LFNG: variants seen among roughly 807,000 people sequenced by gnomAD.
LFNG encodes beta-1,3-N-acetylglucosaminyltransferase lunatic fringe.
Under a neutral mutation model 32.7 loss-of-function variants are expected in LFNG, and 15 were observed. The observed-to-expected ratio is 0.46, with a 90% CI of 0.31 to 0.71. The LOEUF (loss-of-function observed/expected upper bound fraction) is 0.71, where lower values mean the gene tolerates loss of function less well. LFNG is among the 30% of genes least tolerant of loss of function. LFNG has a pLI of 0.06. For synonymous variants in LFNG, 274 were observed against 246.8 expected (o/e 1.11, Z -1.03); for missense variants, 520 against 545.7 (o/e 0.95, Z 0.47).
In LFNG at chr7:2,526,585, G is replaced by A. The variant is rs1379913322; in HGVS notation, c.987+176G>A. On this transcript the variant is annotated intron_variant, in intron 6 of 7. Transcript: ENST00000222725. This position sits in a 1 kb window ranked among gnomAD's most constrained non-coding sequence, Gnocchi z 6.9. The stretch of plus-strand genomic sequence containing the variant: ...AGCTCAAAGCTGTTTATGGCGGGTT[G>A]TTTTCCTGCCGTCTCTTCTCTTCAC... Among the ~76,000 whole-genome samples, 1 of 152,186 alleles carries A rather than the reference G, an allele frequency of 6.6e-6. No homozygotes were observed. The highest frequency in any genetic ancestry group is 1.5e-5 in the Non-Finnish European group (1 of 68,012).
At chr7:2,513,103 G>A, upstream of LFNG, 1 of 1,591,614 alleles carries the variant, frequency 6.3e-7, no homozygotes, top group Non-Finnish European at 8.6e-7. Flanking sequence ...GCACCTTTGG[G>A]CTGGACCCAT....
In LFNG at chr7:2,527,618, G is replaced by GGGGTACCTGTGCCCTGAAGTCC. The variant is rs373324573; in HGVS notation, c.*407_*428dup. On this transcript the variant is annotated 3_prime_UTR_variant, in exon 8 of 8. Coordinates refer to ENST00000222725, the MANE Select transcript of LFNG (RefSeq NM_001040167.2). The surrounding 1 kb of genome is among the most constrained non-coding windows in gnomAD (Gnocchi z 4.4). ...CCTGCTGACCACAAGCTCTGTGCTGGGGGTACCTGTGCCCTGAAGTCCTGG... is the reference window on the plus strand; with the variant it reads ...CCTGCTGACCACAAGCTCTGTGCTGGGGGTACCTGTGCCCTGAAGTCCGGGTACCTGTGCCCTGAAGTCCTGG... 1.1e-3 allele frequency: 1,250 copies of GGGGTACCTGTGCCCTGAAGTCC among 1,176,420 alleles called. 12 individuals are homozygous for GGGGTACCTGTGCCCTGAAGTCC. The African/African-American group carries it at 0.019, about 17-fold the overall frequency. 72.9% of individuals were successfully genotyped at this position (1,176,420 alleles called of 1,614,324 possible). A position where few individuals can be genotyped will look rare whatever the true frequency, so the allele number is the denominator to read the frequency against.
rs1264640746 is a variant in LFNG at position 2,526,348 on chromosome 7, G to A, written c.926G>A (p.Gly309Asp). The A allele has an allele frequency of 6.2e-7, 1 of 1,612,116 alleles. No individual in the cohort carries two copies. Among genetic ancestry groups the A allele is most frequent in the Non-Finnish European group, 8.5e-7 (1 of 1,179,944 alleles). ...ALLGVPLIRS[G>D]LFHSHLENLQ... is the part of the protein sequence containing the mutation. ...CTGGGTGTGCCCCTCATCCGCAGCG[G>A]CCTCTTCCACTCCCACCTGGAGAAC... The change falls in exon 6 of 8, where the codon GGC becomes GAC. Residue 309 changes from glycine (G) to aspartate (D), a missense_variant. Coordinates refer to ENST00000222725, the MANE Select transcript of LFNG (RefSeq NM_001040167.2). This position sits in a 1 kb window ranked among gnomAD's most constrained non-coding sequence, Gnocchi z 6.9.
upstream of LFNG, chr7:2,513,446 T>C (rs963802343): frequency 8.6e-7 from 1 of 1,168,678 alleles, no homozygotes; most frequent in Admixed American, 2.9e-5. Flanking sequence ...AGATGGCCCA[T>C]GGTAGCGATG....
chr7:2,512,722 TC>T, intron 1 of LFNG: 1 of 1,612,704 alleles, frequency 6.2e-7, no homozygotes, highest in Non-Finnish European at 8.5e-7. Flanking sequence ...GGGTTGCTTT[TC>T]CTCCTAGAAT....
upstream of LFNG, chr7:2,517,916 A>G: frequency 8.6e-7 from 1 of 1,157,772 alleles, no homozygotes; most frequent in African/African-American, 1.6e-5. Context: ...CTAGTTGTCC[A>G]GCTGCTGCGT....
upstream of LFNG, among the ~76,000 whole-genome samples, chr7:2,518,117 G>A (rs942072057): frequency 2.6e-5 from 4 of 152,188 alleles, no homozygotes; most frequent in African/African-American, 9.7e-5. Context: ...CGGAGGCTGG[G>A]GCTGGGCTGG....
chr7:2,518,580 G>T (rs143245520), upstream of LFNG: 3,172 of 1,598,366 alleles, frequency 2.0e-3, 3 homozygotes, highest in Non-Finnish European at 2.4e-3. Context: ...GCTGTCTTGC[G>T]GCTGACATTC....
intron 1 of LFNG, among the ~76,000 whole-genome samples, chr7:2,522,115 A>T (rs898115869): frequency 1.3e-5 from 2 of 152,138 alleles, no homozygotes; most frequent in Non-Finnish European, 2.9e-5. Flanking sequence ...GATGGGGGAG[A>T]TAGAAAGATG....
chr7:2,521,171 T>G (rs1460686882), intron 1 of LFNG, among the ~76,000 whole-genome samples: 1 of 145,798 alleles, frequency 6.9e-6, no homozygotes, highest in Non-Finnish European at 1.5e-5. Flanking sequence ...TGTCCTGTTT[T>G]GGGGCACTGT....
At chr7:2,521,921 G>A (rs1779803660) in intron 1 of LFNG, among the ~76,000 whole-genome samples, 1 of 152,224 alleles carries the variant, frequency 6.6e-6, no homozygotes, top group African/African-American at 2.4e-5. Flanking sequence ...ACTCCCTTGA[G>A]CCCTGAGGTC....
At chr7:2,519,030 G>C (rs1779701574), upstream of LFNG, among the ~76,000 whole-genome samples, 1 of 152,170 alleles carries the variant, frequency 6.6e-6, no homozygotes, top group South Asian at 2.1e-4. Context: ...GACAGAAGGC[G>C]GCCTTTCATC....
chr7:2,521,988 C>A (rs745882644), intron 1 of LFNG, among the ~76,000 whole-genome samples: 3 of 152,140 alleles, frequency 2.0e-5, no homozygotes, highest in Admixed American at 2.0e-4. Context: ...AGCATCAGTT[C>A]ACCAGCACAC....
Position 2,525,101 on chromosome 7 carries a change from G to A in LFNG, c.482-118G>A, listed in dbSNP as rs934500688. ...TAGGGTGGGGGAGGCTACGGCCGCC[G>A]GGCCCAGCTTGAACTAGGGGGCTTT... On this transcript the variant is annotated intron_variant, in intron 2 of 7. Transcript: ENST00000222725. 17 of 920,308 alleles carry A rather than the reference G, an allele frequency of 1.8e-5. No homozygotes were observed. The African/African-American group carries it at 2.3e-4, about 12-fold the overall frequency. The allele number at this position is 920,308 out of a possible 1,614,324, so 57.0% of individuals were successfully genotyped here.
rs1347415528 is a variant in LFNG at position 2,520,026 on chromosome 7, C to T, written c.165C>T (p.Pro55=). 11 of 1,019,106 alleles carry T rather than the reference C, an allele frequency of 1.1e-5. No individual in the cohort carries two copies. The highest frequency in any genetic ancestry group is 1.1e-5 in the Non-Finnish European group (9 of 855,670). 63.1% of individuals were successfully genotyped at this position (1,019,106 alleles called of 1,614,324 possible). A position where few individuals can be genotyped will look rare whatever the true frequency, so the allele number is the denominator to read the frequency against. The change falls in exon 1 of 8, where the codon CCC becomes CCT. Residue 55 remains proline, a synonymous_variant. Transcript: ENST00000222725. This position sits in a 1 kb window ranked among gnomAD's most constrained non-coding sequence, Gnocchi z 5.0. Reference sequence around the variant, plus strand: ...GCCCCGCGGGGGCTGCCCCGGCGCCCGGGCTGGGGGCGGCGGCGGCGGCGC... The same window carrying T: ...GCCCCGCGGGGGCTGCCCCGGCGCCTGGGCTGGGGGCGGCGGCGGCGGCGC... ...LAGPAGAAPA[P]GLGAAAAAPG...
intron 2 of LFNG, 30 bp downstream of exon 2, chr7:2,524,773 C>G (rs150187375): frequency 1.1e-5 from 17 of 1,555,806 alleles, no homozygotes; most frequent in Non-Finnish European, 1.5e-5. Context: ...CGGGAGGGGG[C>G]CCAGGCCTCC....
intron 2 of LFNG, among the ~76,000 whole-genome samples, chr7:2,524,997 A>G (rs1779912550): frequency 6.6e-6 from 1 of 152,206 alleles, no homozygotes; most frequent in South Asian, 2.1e-4. Context: ...GCTGGGAAAA[A>G]GCTGCCTGAA....
rs996842879 is a variant in LFNG at position 2,527,752 on chromosome 7, GGCTTAAGAGTAACAGCA to G, written c.*543_*559del. 5.3e-5 allele frequency: 54 copies of G among 1,017,716 alleles called. No individual in the cohort carries two copies. Among genetic ancestry groups the G allele is most frequent in the Non-Finnish European group, 3.1e-5 (26 of 847,808 alleles). 63.0% of individuals were successfully genotyped at this position (1,017,716 alleles called of 1,614,324 possible). On this transcript the variant is annotated 3_prime_UTR_variant, in exon 8 of 8. Transcript: ENST00000222725. The surrounding 1 kb of genome is among the most constrained non-coding windows in gnomAD (Gnocchi z 4.4). Reference sequence around the variant, plus strand: ...CCCTTCCTCCTGGCCTGGACGCTGTGGCTTAAGAGTAACAGCAGCCACCGCCCAGTTCCAGTGGCCCC... The same window carrying G: ...CCCTTCCTCCTGGCCTGGACGCTGTGGCCACCGCCCAGTTCCAGTGGCCCC...
chr7:2,525,344 A>G, intron 3 of LFNG, 26 bp downstream of exon 3: 1 of 1,612,108 alleles, frequency 6.2e-7, no homozygotes, highest in Non-Finnish European at 8.5e-7. Context: ...GGGGACCCCC[A>G]TCTCCCTGCC....
Sources: allele counts gnomAD v4.1 joint callset (sites outside exome capture counted in the v4.1 genomes callset), GRCh38; gene constraint gnomAD v4.1.1; non-coding constraint Gnocchi (gnomAD v3.1); transcripts MANE v1.5; gene names NCBI Gene and HGNC (gene_info 2026-07-23, HGNC 2026-07-21).